The following PRIMA1 variants were observed in gnomAD, a reference collection of about 807,000 sequenced individuals.
The protein encoded by PRIMA1 is proline rich membrane anchor 1.
PRIMA1 carries 7 observed loss-of-function variants against 17.5 expected under a neutral mutation model. The observed-to-expected ratio is 0.40, with a 90% CI of 0.23 to 0.75. The LOEUF is 0.75. Among genes scored for constraint, PRIMA1 ranks in the 30% least tolerant of loss-of-function variants. The probability of loss-of-function intolerance (pLI) is 0.37; values close to 1 mark genes in which losing one functional copy is unlikely to be tolerated. For synonymous variants in PRIMA1, 97 were observed against 77.9 expected, an observed-to-expected ratio of 1.25 and a Z score of -1.29; for missense variants, 200 against 201.8, an observed-to-expected ratio of 0.99 and a Z score of 0.05.
At chr14:93,758,873 G>A (rs2076308912) in intron 3 of PRIMA1, among the ~76,000 whole-genome samples, 1 of 152,012 alleles carries the variant, frequency 6.6e-6, no homozygotes, top group Non-Finnish European at 1.5e-5. Context: ...ATGTTGGTGG[G>A]GTCATCAAAG....
intron 3 of PRIMA1, among the ~76,000 whole-genome samples, chr14:93,751,669 TA>T (rs1267086652): frequency 6.6e-6 from 1 of 152,128 alleles, no homozygotes; most frequent in Non-Finnish European, 1.5e-5. Context: ...AGGGTTAAGC[TA>T]AGAATGATTT....
chr14:93,748,039 AGT>A (rs1283005810), intron 3 of PRIMA1, among the ~76,000 whole-genome samples: 12 of 61,448 alleles, frequency 2.0e-4, no homozygotes, highest in Non-Finnish European at 2.9e-4. Flanking sequence ...TGTGTGTGGG[AGT>A]GTGTGAGTGT....
At chr14:93,774,437 G>A (rs977188569) in intron 3 of PRIMA1, among the ~76,000 whole-genome samples, 4 of 152,222 alleles carry the variant, frequency 2.6e-5, no homozygotes. Context: ...GCACTTCACA[G>A]GCCTGCACGA....
At position 93,731,075 on chromosome 14, in the gene PRIMA1, T is replaced by C. The variant is rs1018337029; in HGVS notation, c.359+6166A>G. 1.2e-4 allele frequency among the ~76,000 whole-genome samples: 18 copies of C among 152,302 alleles called. No individual in the cohort carries two copies. In the South Asian group the frequency reaches 3.7e-3, roughly 32 times the overall value. ...TGACTGTGTTGAGAGGAGGCATTGT[T>C]AACCCCAGGAAAGGAAACAGCATAG... On this transcript the variant is annotated intron_variant, in intron 4 of 4. Coordinates refer to ENST00000393140, the MANE Select transcript of PRIMA1 (RefSeq NM_178013.4).
intron 3 of PRIMA1, among the ~76,000 whole-genome samples, chr14:93,750,301 G>A (rs1256779489): frequency 2.0e-5 from 3 of 152,152 alleles, no homozygotes; most frequent in Admixed American, 6.5e-5. Flanking sequence ...ACTTGCACTG[G>A]GAGGCTGAGG....
Position 93,779,285 on chromosome 14 carries a change from G to A in PRIMA1, c.120C>T (p.Ser40=), listed in dbSNP as rs1331581624. ...GGCAGCTGTCAGTCACTTTGGAGCA[G>A]GACTTCTGGGGCTCACCATGCGTCA... The part of the protein sequence containing the change: ...VQVTHGEPQK[S]CSKVTDSCRH... Residue 40 remains serine (S), a synonymous_variant, in exon 3 of 5, where the codon TCC becomes TCT. Transcript: ENST00000393140. 2 of 1,552,312 alleles carry A rather than the reference G, an allele frequency of 1.3e-6. No individual in the cohort carries two copies. The highest frequency in any genetic ancestry group is 8.7e-7 in the Non-Finnish European group (1 of 1,154,912).
intron 3 of PRIMA1, among the ~76,000 whole-genome samples, chr14:93,760,579 C>A (rs1379150037): frequency 6.6e-6 from 1 of 152,176 alleles, no homozygotes; most frequent in African/African-American, 2.4e-5. Context: ...CACTTGGTGC[C>A]CATTGAATTC....
At chr14:93,744,070 G>C (rs942154164) in intron 3 of PRIMA1, among the ~76,000 whole-genome samples, 1 of 152,192 alleles carries the variant, frequency 6.6e-6, no homozygotes, top group Non-Finnish European at 1.5e-5. Flanking sequence ...AGACCCTTTG[G>C]ACAGAGGCAG....
chr14:93,772,219 G>A (rs1885090889), intron 3 of PRIMA1, among the ~76,000 whole-genome samples: 1 of 152,234 alleles, frequency 6.6e-6, no homozygotes, highest in South Asian at 2.1e-4. Flanking sequence ...CATAGGAGAA[G>A]AACCAGGTGA....
At chr14:93,762,251 C>G (rs1387175977) in intron 3 of PRIMA1, among the ~76,000 whole-genome samples, 1 of 152,166 alleles carries the variant, frequency 6.6e-6, no homozygotes, top group Non-Finnish European at 1.5e-5. Flanking sequence ...GTGCTCGTCT[C>G]CCACCCGGCA....
At chr14:93,741,908 G>A (rs2076186717) in intron 3 of PRIMA1, among the ~76,000 whole-genome samples, 1 of 152,126 alleles carries the variant, frequency 6.6e-6, no homozygotes. Flanking sequence ...TGTCTTCCCC[G>A]AGGCTCAGTG....
At chr14:93,733,403 C>T (rs1449379230) in intron 4 of PRIMA1, among the ~76,000 whole-genome samples, 1 of 152,238 alleles carries the variant, frequency 6.6e-6, no homozygotes, top group African/African-American at 2.4e-5. Flanking sequence ...AGCCCCCTTT[C>T]AGCCAGGCCT....
chr14:93,743,553 C>T (rs185760039), intron 3 of PRIMA1, among the ~76,000 whole-genome samples: 63 of 152,354 alleles, frequency 4.1e-4, no homozygotes, highest in African/African-American at 1.4e-3. Context: ...CCCCCTGTGC[C>T]GTAGAGATCA....
chr14:93,724,835 T>A (rs1487151296), intron 4 of PRIMA1, among the ~76,000 whole-genome samples: 1 of 152,128 alleles, frequency 6.6e-6, no homozygotes, highest in Non-Finnish European at 1.5e-5. Flanking sequence ...TCATGGGAGA[T>A]ATGGCTTAAG....
Position 93,726,718 on chromosome 14 carries a change from TAC to T in PRIMA1, c.360-5174_360-5173del, listed in dbSNP as rs563286907. ...GCACAAACCCATACAAACATGTACT[TAC>T]ACACACACATATATGTACACACAGG... On this transcript the variant is annotated intron_variant, in intron 4 of 4. Transcript: ENST00000393140. This position sits in a 1 kb window ranked among gnomAD's most constrained non-coding sequence, Gnocchi z 4.2. Among the ~76,000 whole-genome samples, 21 of 152,006 alleles carry T rather than the reference TAC, an allele frequency of 1.4e-4. No individual in the cohort carries two copies. The highest frequency in any genetic ancestry group is 4.6e-4 in the Admixed American group (7 of 15,268).
intron 3 of PRIMA1, among the ~76,000 whole-genome samples, chr14:93,740,018 T>C (rs1283284624): frequency 6.6e-6 from 1 of 151,774 alleles, no homozygotes; most frequent in Non-Finnish European, 1.5e-5. Flanking sequence ...TGAGCTAAGA[T>C]TGTGCCATTG....
intron 3 of PRIMA1, among the ~76,000 whole-genome samples, chr14:93,743,772 G>T (rs2076198592): frequency 1.3e-5 from 2 of 152,240 alleles, no homozygotes; most frequent in Non-Finnish European, 2.9e-5. Context: ...CAGTCTCATG[G>T]CACCGCTGGT....
At chr14:93,729,114 G>A (rs989408021) in intron 4 of PRIMA1, among the ~76,000 whole-genome samples, 26 of 152,218 alleles carry the variant, frequency 1.7e-4, no homozygotes, top group African/African-American at 5.5e-4. Flanking sequence ...AGGGGAAGGC[G>A]CACTGGCCAA....
At chr14:93,748,622 G>C (rs146112349) in intron 3 of PRIMA1, among the ~76,000 whole-genome samples, 1,749 of 152,250 alleles carry the variant, frequency 0.011, 37 homozygotes, top group African/African-American at 0.04. Context: ...CTGAGCCCTG[G>C]GTGAGGGGCT....
Sources: gnomAD v4.1 joint callset for allele counts (sites outside exome capture counted in the v4.1 genomes callset) on GRCh38, gnomAD v4.1.1 for gene constraint, Gnocchi (gnomAD v3.1) non-coding constraint, MANE v1.5 for transcripts, NCBI Gene and HGNC (gene_info 2026-07-23, HGNC 2026-07-21) for gene names.